The following ASPA variants were observed in gnomAD, a reference collection of about 807,000 sequenced individuals.
The protein encoded by ASPA is aspartoacylase, also known as ACY-2.
A neutral mutation model predicts 29.6 loss-of-function variants in ASPA; 25 were observed. That is an observed-to-expected ratio of 0.85 (90% CI 0.62 to 1.18). The LOEUF (loss-of-function observed/expected upper bound fraction) is 1.18. Among genes scored for constraint, ASPA ranks in the 50% most tolerant of loss-of-function variants. The pLI, the probability that ASPA is intolerant of heterozygous loss-of-function variation, is 0.00. For missense variants in ASPA, 333 were observed against 385.7 expected, an observed-to-expected ratio of 0.86 and a Z score of 1.14; for synonymous variants, 131 against 130.3, an observed-to-expected ratio of 1.01 and a Z score of -0.04.
At chr17:3,481,898 C>T in intron 2 of ASPA, 100 bp downstream of exon 2, 1 of 1,161,208 alleles carries the variant, frequency 8.6e-7, no homozygotes, top group Non-Finnish European at 1.2e-6. Context: ...AGGGAAGGTG[C>T]AAGAGAAATG....
chr17:3,481,801 A>G lies in ASPA; in HGVS notation c.432+3A>G. ...TTCAGATGTTTCATTACATTAAGGT[A>G]ATGTTAATGTTATTAATTTATAAGT... On this transcript the variant is annotated splice_donor_region_variant and intron_variant, in intron 2 of 5. Coordinates refer to ENST00000263080, the MANE Select transcript of ASPA (RefSeq NM_000049.4). 2 of 1,583,082 alleles carry G rather than the reference A, an allele frequency of 1.3e-6. No individual in the cohort carries two copies. Among genetic ancestry groups the G allele is most frequent in the Non-Finnish European group, 1.7e-6 (2 of 1,157,804 alleles).
intron 5 of ASPA, among the ~76,000 whole-genome samples, chr17:3,496,877 T>C (rs181498560): frequency 1.8e-4 from 28 of 152,080 alleles, no homozygotes; most frequent in Admixed American, 1.2e-3. Context: ...CCATCCTGGC[T>C]AACACGGTGA....
At chr17:3,498,100 A>G (rs982223519) in intron 5 of ASPA, among the ~76,000 whole-genome samples, 1 of 152,124 alleles carries the variant, frequency 6.6e-6, no homozygotes, top group Non-Finnish European at 1.5e-5. Flanking sequence ...TCTCTCACCA[A>G]TCCCCGTCAG....
intron 4 of ASPA, among the ~76,000 whole-genome samples, chr17:3,494,034 C>T (rs918611239): frequency 2.3e-5 from 2 of 85,680 alleles, no homozygotes; most frequent in Admixed American, 1.9e-4. Context: ...TCCCTTTTTC[C>T]AGATTTTTTT....
intron 1 of ASPA, among the ~76,000 whole-genome samples, chr17:3,481,382 A>G (rs1052867701): frequency 5.9e-5 from 9 of 152,230 alleles, no homozygotes; most frequent in Non-Finnish European, 7.3e-5. Flanking sequence ...TGCACGTATT[A>G]CTTCGCAAGC....
rs2073992185 is a variant in ASPA, at chr17:3,501,764, A to C, written c.*2676A>C. The C allele has an allele frequency of 6.6e-6, 1 of 152,620 alleles. No individual in the cohort carries two copies. The highest frequency in any genetic ancestry group is 1.9e-4 in the East Asian group (1 of 5,222). The allele number at this position is 152,620 out of a possible 1,614,324, so 9.5% of individuals were successfully genotyped here. A position where few individuals can be genotyped will look rare whatever the true frequency, so the allele number is the denominator to read the frequency against. On this transcript the variant is annotated 3_prime_UTR_variant, in exon 6 of 6. Coordinates refer to ENST00000263080, the MANE Select transcript of ASPA (RefSeq NM_000049.4). ...TAAGGAGTTCGAGACCAGCCTGGCC[A>C]ACATGGTGAAACCCCCTCTCTACTA...
At chr17:3,479,529 T>C (rs1040091659) in intron 1 of ASPA, among the ~76,000 whole-genome samples, 3 of 152,120 alleles carry the variant, frequency 2.0e-5, no homozygotes, top group African/African-American at 7.2e-5. Flanking sequence ...GGCCACATGA[T>C]ATCATCAATG....
At chr17:3,486,866 A>G (rs2073731751) in intron 3 of ASPA, among the ~76,000 whole-genome samples, 2 of 152,214 alleles carry the variant, frequency 1.3e-5, no homozygotes, top group Admixed American at 1.3e-4. Context: ...TAATTTTTCG[A>G]TACAAGATCT....
intron 1 of ASPA, among the ~76,000 whole-genome samples, chr17:3,477,825 G>C (rs2073553534): frequency 6.6e-6 from 1 of 152,094 alleles, no homozygotes; most frequent in Non-Finnish European, 1.5e-5. Flanking sequence ...GGTACTGGGG[G>C]AGTACACAGC....
At chr17:3,474,609 T>G (rs544742972), upstream of ASPA, among the ~76,000 whole-genome samples, 71 of 152,374 alleles carry the variant, frequency 4.7e-4, no homozygotes, top group African/African-American at 1.6e-3. Flanking sequence ...AACAGTCATT[T>G]TAATGCATAG....
At chr17:3,492,531 C>T (rs371617877) in intron 4 of ASPA, among the ~76,000 whole-genome samples, 3 of 152,190 alleles carry the variant, frequency 2.0e-5, no homozygotes, top group African/African-American at 7.2e-5. Flanking sequence ...GAGATAGAGT[C>T]TATTTTTCCA....
At chr17:3,487,589 G>A (rs1212837638) in intron 3 of ASPA, among the ~76,000 whole-genome samples, 1 of 152,090 alleles carries the variant, frequency 6.6e-6, no homozygotes, top group African/African-American at 2.4e-5. Context: ...TTATTGCTAA[G>A]CCTTTGATTT....
At chr17:3,498,369 C>T (rs1209447488) in intron 5 of ASPA, among the ~76,000 whole-genome samples, 1 of 151,852 alleles carries the variant, frequency 6.6e-6, no homozygotes. Context: ...TTTTTAGAGA[C>T]AGGGTTTCAT....
intron 1 of ASPA, among the ~76,000 whole-genome samples, chr17:3,477,918 C>G (rs1329382836): frequency 6.6e-6 from 1 of 151,918 alleles, no homozygotes; most frequent in Admixed American, 6.6e-5. Flanking sequence ...CACAGTGGCT[C>G]ACACCTGTAA....
intron 1 of ASPA, among the ~76,000 whole-genome samples, chr17:3,478,599 G>A (rs2073572765): frequency 6.6e-6 from 1 of 152,166 alleles, no homozygotes; most frequent in South Asian, 2.1e-4. Context: ...GAAATGGACT[G>A]GGGTGAGTTT....
chr17:3,494,899 T>A (rs1031969312), intron 5 of ASPA, among the ~76,000 whole-genome samples: 7 of 152,176 alleles, frequency 4.6e-5, no homozygotes, highest in Non-Finnish European at 1.0e-4. Context: ...CCCACAGCCA[T>A]GTAGCTATCA....
chr17:3,489,094 A>G (rs2073775891), intron 3 of ASPA, 141 bp from the exon 4 acceptor site: 1 of 597,940 alleles, frequency 1.7e-6, no homozygotes, highest in Non-Finnish European at 2.9e-6. Context: ...TTATGTCTCA[A>G]ATATTTTCCA....
At position 3,476,059 on chromosome 17, in the gene ASPA, G is replaced by A. The variant is rs1007715531; in HGVS notation, c.-101G>A. ...AGGGAATTCTGTACTTTGCCCTTTG[G>A]GTAAAGTCTCATTTACATTTCTAAA... On this transcript the variant is annotated 5_prime_UTR_variant, in exon 1 of 6. Coordinates refer to ENST00000263080, the MANE Select transcript of ASPA (RefSeq NM_000049.4). The A allele has an allele frequency of 2.7e-6, 3 of 1,130,734 alleles. No homozygotes were observed. Among genetic ancestry groups the A allele is most frequent in the East Asian group, 4.9e-5 (2 of 40,742 alleles). The allele number at this position is 1,130,734 out of a possible 1,614,324, so 70.0% of individuals were successfully genotyped here. A position where few individuals can be genotyped will look rare whatever the true frequency, so the allele number is the denominator to read the frequency against.
At chr17:3,483,619 C>T (rs772514277) in intron 3 of ASPA, 27 bp downstream of exon 3, 3 of 1,558,276 alleles carry the variant, frequency 1.9e-6, no homozygotes, top group South Asian at 2.2e-5. Flanking sequence ...ACTGTCATAA[C>T]TCAATAAAAT....
Sources: allele counts gnomAD v4.1 joint callset (sites outside exome capture counted in the v4.1 genomes callset), GRCh38; gene constraint gnomAD v4.1.1; transcripts MANE v1.5; gene names NCBI Gene and HGNC (gene_info 2026-07-23, HGNC 2026-07-21).